HS2ST1: variants seen among roughly 807,000 people sequenced by gnomAD.
The protein encoded by HS2ST1 is 2-O-sulfotransferase.
Under a neutral mutation model 42.9 loss-of-function variants are expected in HS2ST1, and 18 were observed. That is an observed-to-expected ratio of 0.42 (90% CI 0.29 to 0.62). The LOEUF (loss-of-function observed/expected upper bound fraction) is 0.62. Among genes scored for constraint, HS2ST1 ranks in the 20% least tolerant of loss-of-function variants. HS2ST1 has a pLI of 0.21. For synonymous variants in HS2ST1, 146 were observed against 152.9 expected, an observed-to-expected ratio of 0.95 and a Z score of 0.33; for missense variants, 334 against 433.8, an observed-to-expected ratio of 0.77 and a Z score of 2.04.
intron 2 of HS2ST1, among the ~76,000 whole-genome samples, chr1:87,077,641 A>C (rs1045424083): frequency 5.3e-5 from 8 of 152,278 alleles, no homozygotes; most frequent in Admixed American, 3.9e-4. Flanking sequence ...CTATTATAAG[A>C]TCTTTAAGGA....
chr1:87,061,408 C>A (rs1021755310), intron 1 of HS2ST1, among the ~76,000 whole-genome samples: 3 of 151,982 alleles, frequency 2.0e-5, no homozygotes, highest in Non-Finnish European at 4.4e-5. Flanking sequence ...ATTTCTCCCT[C>A]CCCCCATTCC....
intron 1 of HS2ST1, among the ~76,000 whole-genome samples, chr1:86,978,353 C>T (rs115958737): frequency 0.024 from 3,606 of 152,216 alleles, 65 homozygotes; most frequent in Middle Eastern, 0.044. Flanking sequence ...GTTTTAATCA[C>T]TTAAATATTG....
In HS2ST1 at chr1:87,107,647, A is replaced by G. The variant is rs1652356608; in HGVS notation, c.*2951A>G. ...GTGTATGTGAAATATATATACATAT[A>G]TATATATATGTTTATTTCCTAAAAG... On this transcript the variant is annotated 3_prime_UTR_variant, in exon 7 of 7. Transcript: ENST00000370550. 1 of 70,730 alleles carries G rather than the reference A, an allele frequency of 1.4e-5. No individual in the cohort carries two copies. The highest frequency in any genetic ancestry group is 3.1e-5 in the African/African-American group (1 of 32,186). 4.4% of individuals were successfully genotyped at this position (70,730 alleles called of 1,614,324 possible).
At chr1:86,960,166 C>T (rs924625957) in intron 1 of HS2ST1, among the ~76,000 whole-genome samples, 12 of 147,784 alleles carry the variant, frequency 8.1e-5, no homozygotes, top group South Asian at 2.1e-4. Context: ...CAAGGAAAAA[C>T]GGTAATTTTT....
At chr1:86,938,822 TTCTTAGAGAG>T (rs1222302985) in intron 1 of HS2ST1, among the ~76,000 whole-genome samples, 2 of 152,206 alleles carry the variant, frequency 1.3e-5, no homozygotes, top group Admixed American at 1.3e-4. Flanking sequence ...GATTAATTGA[TTCTTAGAGAG>T]TCTAGGAAAT....
intron 1 of HS2ST1, among the ~76,000 whole-genome samples, chr1:86,941,587 C>T (rs1660764538): frequency 6.6e-6 from 1 of 152,026 alleles, no homozygotes. Flanking sequence ...GCCTGGCCAA[C>T]ATGGTGAAAC....
chr1:86,956,155 A>G (rs944077181), intron 1 of HS2ST1, among the ~76,000 whole-genome samples: 5 of 150,604 alleles, frequency 3.3e-5, no homozygotes, highest in South Asian at 2.1e-4. Context: ...AGGCATGGAA[A>G]GGACTTCAGC....
At chr1:87,031,745 A>G (rs1475298568) in intron 1 of HS2ST1, among the ~76,000 whole-genome samples, 2 of 152,196 alleles carry the variant, frequency 1.3e-5, no homozygotes, top group African/African-American at 4.8e-5. Flanking sequence ...GGTTGTTTAA[A>G]ATCTGCTGAT....
chr1:86,940,283 A>T (rs1176757100), intron 1 of HS2ST1, among the ~76,000 whole-genome samples: 1 of 152,186 alleles, frequency 6.6e-6, no homozygotes, highest in Non-Finnish European at 1.5e-5. Context: ...CTGAGGTGAG[A>T]AGATAATTTG....
chr1:87,093,957 T>C (rs1169178649), intron 4 of HS2ST1, among the ~76,000 whole-genome samples: 1 of 152,016 alleles, frequency 6.6e-6, no homozygotes, highest in Non-Finnish European at 1.5e-5. Flanking sequence ...TAACCAAATC[T>C]GTTTTCTTAA....
chr1:87,017,979 T>C (rs900577824), intron 1 of HS2ST1, among the ~76,000 whole-genome samples: 2 of 152,056 alleles, frequency 1.3e-5, no homozygotes, highest in Non-Finnish European at 2.9e-5. Context: ...AGGAATTGAT[T>C]TTACCTAAGG....
At chr1:86,970,516 T>C (rs1190228008) in intron 1 of HS2ST1, among the ~76,000 whole-genome samples, 1 of 152,126 alleles carries the variant, frequency 6.6e-6, no homozygotes, top group Non-Finnish European at 1.5e-5. Context: ...TTGTTGTGCC[T>C]CAGCCTCCCA....
At chr1:87,006,567 T>C (rs1228748173) in intron 1 of HS2ST1, among the ~76,000 whole-genome samples, 2 of 152,146 alleles carry the variant, frequency 1.3e-5, no homozygotes, top group Admixed American at 1.3e-4. Context: ...CAAATGGTTA[T>C]AGATTTTAGT....
At chr1:87,104,437 T>C (rs1652284546) in intron 6 of HS2ST1, 33 bp from the exon 7 acceptor site, 1 of 1,377,648 alleles carries the variant, frequency 7.3e-7, no homozygotes, top group Admixed American at 1.8e-5. Context: ...CAAGAATTAT[T>C]TACCTTTCCT....
intron 1 of HS2ST1, among the ~76,000 whole-genome samples, chr1:86,968,624 C>T (rs186076603): frequency 6.6e-5 from 10 of 152,066 alleles, no homozygotes; most frequent in African/African-American, 1.2e-4. Flanking sequence ...AGGCTGGTCT[C>T]GGGACTCCTG....
chr1:87,061,389 G>A (rs137945270), intron 1 of HS2ST1, among the ~76,000 whole-genome samples: 186 of 152,000 alleles, frequency 1.2e-3, no homozygotes, highest in African/African-American at 4.2e-3. Context: ...CGTTAATCGG[G>A]TGCTTTCCAT....
intron 1 of HS2ST1, among the ~76,000 whole-genome samples, chr1:86,918,477 C>T (rs907859610): frequency 6.6e-6 from 1 of 151,508 alleles, no homozygotes; most frequent in Non-Finnish European, 1.5e-5. Context: ...CGTGTGTGTG[C>T]GTGTGTATAT....
At chr1:86,965,861 T>C (rs147344911) in intron 1 of HS2ST1, among the ~76,000 whole-genome samples, 5 of 152,214 alleles carry the variant, frequency 3.3e-5, no homozygotes, top group African/African-American at 9.6e-5. Flanking sequence ...AGGAATGATA[T>C]GAATAAGCAA....
chr1:87,024,524 G>C (rs912140466), intron 1 of HS2ST1, among the ~76,000 whole-genome samples: 3 of 151,070 alleles, frequency 2.0e-5, no homozygotes, highest in African/African-American at 4.9e-5. Context: ...AAAAAAACAG[G>C]AAAAGAAAGA....
Sources: gnomAD v4.1 joint callset for allele counts (sites outside exome capture counted in the v4.1 genomes callset) on GRCh38, gnomAD v4.1.1 for gene constraint, MANE v1.5 for transcripts, NCBI Gene and HGNC (gene_info 2026-07-23, HGNC 2026-07-21) for gene names.